Variants in RNF114 observed in about 807,000 individuals in gnomAD.
RNF114 encodes the protein ring finger protein 114.
In RNF114, 6 loss-of-function variants were observed where a neutral mutation model predicts 28.4. The ratio of observed to expected loss-of-function variants is 0.21; its 90% CI spans 0.12 to 0.42. RNF114 has a LOEUF of 0.42. Ranked by LOEUF, RNF114 falls within the 10% of genes least tolerant of loss-of-function variation. The pLI is 1.00. For missense variants in RNF114, 249 were observed against 311.7 expected, an observed-to-expected ratio of 0.80 and a Z score of 1.51; for synonymous variants, 115 against 116.7, an observed-to-expected ratio of 0.99 and a Z score of 0.09.
intron 2 of RNF114, chr20:49,944,465 C>G (rs147495990): frequency 2.0e-5 from 3 of 152,272 alleles, no homozygotes; most frequent in African/African-American, 7.2e-5. Context: ...TTTTTCTTTC[C>G]TTTATCTTCC....
At position 49,941,551 on chromosome 20, in the gene RNF114, C is replaced by G. The variant is rs1280966471; in HGVS notation, c.141-10C>G. On this transcript the variant is annotated splice_polypyrimidine_tract_variant and intron_variant, in intron 1 of 5. Transcript: ENST00000244061. ...TGCGTGACAGAGGTTCTCTGTATGT[C>G]TTGTTCTAGCTTTTGCTCTGCATGC... 6.3e-7 allele frequency: 1 copy of G among 1,577,016 alleles called. No homozygotes were observed. Among genetic ancestry groups the G allele is most frequent in the Non-Finnish European group, 8.6e-7 (1 of 1,158,930 alleles).
At position 49,950,704 on chromosome 20, in the gene RNF114, A is replaced by AAC. The variant is rs199813309; in HGVS notation, c.622-1360_622-1359dup. Among the ~76,000 whole-genome samples the AAC allele has an allele frequency of 7.8e-3, 1,175 of 151,536 alleles. 10 individuals are homozygous for AAC. Among genetic ancestry groups the AAC allele is most frequent in the Non-Finnish European group, 0.013 (859 of 67,808 alleles). On this transcript the variant is annotated intron_variant, in intron 5 of 5. Coordinates refer to ENST00000244061, the MANE Select transcript of RNF114 (RefSeq NM_018683.4). ...TCTCAAAAAAAAAAAAAAAAAACAAAACACACACACACAACAACAATTTGG... is the reference window on the plus strand; with the variant it reads ...TCTCAAAAAAAAAAAAAAAAAACAAAACACACACACACACAACAACAATTTGG...
chr20:49,939,189 A>G (rs1275509711), intron 1 of RNF114, among the ~76,000 whole-genome samples: 1 of 152,192 alleles, frequency 6.6e-6, no homozygotes, highest in Non-Finnish European at 1.5e-5. Flanking sequence ...TATTTCCTTC[A>G]TATTTTTAAT....
chr20:49,953,010 A>T lies in RNF114; in HGVS notation c.*869A>T, dbSNP rs139924116. Reference sequence around the variant, plus strand: ...CATTCTTGTTCTAGAAGCACAAAAAATCCTCAGATGAATTAGAAGAAAGAG... The same window carrying T: ...CATTCTTGTTCTAGAAGCACAAAAATTCCTCAGATGAATTAGAAGAAAGAG... On this transcript the variant is annotated 3_prime_UTR_variant, in exon 6 of 6. Coordinates refer to ENST00000244061, the MANE Select transcript of RNF114 (RefSeq NM_018683.4). 14 of 152,334 alleles carry T rather than the reference A, an allele frequency of 9.2e-5. No individual in the cohort carries two copies. In the East Asian group the frequency reaches 2.1e-3, roughly 23 times the overall value. 9.4% of individuals were successfully genotyped at this position (152,334 alleles called of 1,614,324 possible). A position where few individuals can be genotyped will look rare whatever the true frequency, so the allele number is the denominator to read the frequency against.
At chr20:49,941,841 C>CT in intron 2 of RNF114, 130 bp downstream of exon 2, 1 of 870,520 alleles carries the variant, frequency 1.1e-6, no homozygotes, top group Non-Finnish European at 1.8e-6. Context: ...TGCCAATTAC[C>CT]TGTGGTGATG....
At chr20:49,941,454 G>C in intron 1 of RNF114, 107 bp from the exon 2 acceptor site, 1 of 1,269,890 alleles carries the variant, frequency 7.9e-7, no homozygotes, top group Non-Finnish European at 1.1e-6. Context: ...GAGAGAGCAA[G>C]TTGTTTTTTA....
intron 1 of RNF114, among the ~76,000 whole-genome samples, chr20:49,938,464 C>T (rs1198745765): frequency 6.6e-6 from 1 of 152,150 alleles, no homozygotes; most frequent in Non-Finnish European, 1.5e-5. Context: ...TGATTTTTAC[C>T]TTTTGTGCTT....
At chr20:49,943,268 A>G (rs1007661367) in intron 2 of RNF114, among the ~76,000 whole-genome samples, 2 of 152,178 alleles carry the variant, frequency 1.3e-5, no homozygotes, top group African/African-American at 4.8e-5. Context: ...GGCCAAGGCA[A>G]GAGGATCACT....
intron 2 of RNF114, chr20:49,944,323 C>G (rs1198272511): frequency 6.6e-6 from 1 of 152,168 alleles, no homozygotes; most frequent in African/African-American, 2.4e-5. Context: ...CCCACCTCAG[C>G]CTCCCTCAGG....
chr20:49,937,269 A>G (rs1281181829), intron 1 of RNF114, among the ~76,000 whole-genome samples: 5 of 152,172 alleles, frequency 3.3e-5, no homozygotes, highest in Admixed American at 1.3e-4. Context: ...AGGTTGGTCG[A>G]TTTGAATCTA....
intron 1 of RNF114, 67 bp downstream of exon 1, chr20:49,936,619 G>C: frequency 6.5e-7 from 1 of 1,542,142 alleles, no homozygotes; most frequent in Non-Finnish European, 8.7e-7. Context: ...CGAGGAGCGA[G>C]ATGGGTCTCA....
Position 49,949,320 on chromosome 20 carries a change from C to G in RNF114, c.586C>G (p.Gln196Glu), listed in dbSNP as rs755393896. 2 of 1,614,110 alleles carry G rather than the reference C, an allele frequency of 1.2e-6. No homozygotes were observed. The highest frequency in any genetic ancestry group is 1.7e-6 in the Non-Finnish European group (2 of 1,180,030). Residue 196 changes from glutamine to glutamate, a missense_variant, in exon 5 of 6, where the codon CAG (glutamine) becomes GAG (glutamate). Physicochemically the swap from Gln to Glu is conservative, Grantham distance 29 (BLOSUM62 2). Transcript: ENST00000244061. ...YRSANFREHI[Q>E]RRHRFSYDTF... ...CAGCGCCAACTTCAGAGAGCACATC[C>G]AGCGCCGGCACCGGTTTTCTTATGA...
At chr20:49,937,317 G>T (rs527862352) in intron 1 of RNF114, among the ~76,000 whole-genome samples, 7 of 152,330 alleles carry the variant, frequency 4.6e-5, no homozygotes, top group African/African-American at 1.7e-4. Context: ...CATCTGAGTT[G>T]AAAGAATTGT....
chr20:49,949,041 A>G (rs753824036), intron 4 of RNF114, among the ~76,000 whole-genome samples: 1 of 152,148 alleles, frequency 6.6e-6, no homozygotes, highest in Non-Finnish European at 1.5e-5. Context: ...TCATGATTTG[A>G]ACTTTACCCA....
intron 2 of RNF114, 89 bp from the exon 3 acceptor site, chr20:49,945,293 C>A: frequency 1.3e-6 from 1 of 756,046 alleles, no homozygotes; most frequent in South Asian, 1.6e-5. Context: ...TGGTGTAGGT[C>A]TAGTTTTCTT....
intron 2 of RNF114, 27 bp from the exon 3 acceptor site, chr20:49,945,355 T>G: frequency 6.7e-7 from 1 of 1,482,664 alleles, no homozygotes; most frequent in Non-Finnish European, 9.4e-7. Flanking sequence ...CTCACTAACT[T>G]ATGGGCTCTG....
intron 2 of RNF114, chr20:49,941,999 T>C: frequency 3.0e-6 from 1 of 335,394 alleles, no homozygotes; most frequent in Non-Finnish European, 5.5e-6. Context: ...GCGCGGTGGC[T>C]CATTCCTGTA....
At chr20:49,951,589 C>G (rs2090355449) in intron 5 of RNF114, among the ~76,000 whole-genome samples, 1 of 152,172 alleles carries the variant, frequency 6.6e-6, no homozygotes, top group African/African-American at 2.4e-5. Context: ...ATTTAAGAAT[C>G]AGGCAGCAGA....
intron 5 of RNF114, among the ~76,000 whole-genome samples, chr20:49,951,250 A>G (rs2090354099): frequency 6.6e-6 from 1 of 151,876 alleles, no homozygotes; most frequent in Non-Finnish European, 1.5e-5. Flanking sequence ...AGACTTCAGA[A>G]TAACTGCCCT....
Sources: gnomAD v4.1 joint callset for allele counts (sites outside exome capture counted in the v4.1 genomes callset) on GRCh38, gnomAD v4.1.1 for gene constraint, MANE v1.5 for transcripts, NCBI Gene and HGNC (gene_info 2026-07-23, HGNC 2026-07-21) for gene names.